BACH1: variants seen among roughly 807,000 people sequenced by gnomAD.
The protein encoded by BACH1 is transcription regulator protein BACH1.
Under a neutral mutation model 52.9 loss-of-function variants are expected in BACH1, and 35 were observed. The ratio of observed to expected loss-of-function variants is 0.66; its 90% confidence interval spans 0.51 to 0.88. The LOEUF (loss-of-function observed/expected upper bound fraction) is 0.88, where lower values mean the gene tolerates loss of function less well. BACH1 is among the 40% of genes least tolerant of loss of function. The pLI, the probability that BACH1 is intolerant of heterozygous loss-of-function variation, is 0.00. For synonymous variants in BACH1, 321 were observed against 319.6 expected, an observed-to-expected ratio of 1.00 and a Z score of -0.05; for missense variants, 808 against 872.6, an observed-to-expected ratio of 0.93 and a Z score of 0.93.
rs770545905 is a variant in BACH1 at position 29,342,678 on chromosome 21, G to C, written c.2056G>C (p.Gly686Arg). Residue 686 changes from glycine (G) to arginine (R), a missense_variant, in exon 5 of 5, where the codon GGA becomes CGA. Physicochemically the swap from Gly to Arg is moderately radical, Grantham distance 125 (BLOSUM62 -2). Transcript: ENST00000286800. ...PPAVLPPCAR[G>R]NSEPGYARGQ... The stretch of plus-strand genomic sequence containing the variant: ...AGCAGTGCTGCCTCCCTGTGCCAGA[G>C]GAAACAGTGAGCCTGGCTACGCGCG... 3 of 1,614,208 alleles carry C rather than the reference G, an allele frequency of 1.9e-6. No homozygotes were observed. The highest frequency in any genetic ancestry group is 2.5e-6 in the Non-Finnish European group (3 of 1,180,044).
intron 2 of BACH1, among the ~76,000 whole-genome samples, chr21:29,353,286 C>T (rs1413658463): frequency 6.6e-6 from 1 of 152,116 alleles, no homozygotes; most frequent in Non-Finnish European, 1.5e-5. Flanking sequence ...AGGAAATAAC[C>T]AATCTTGTAT....
At chr21:29,308,292 C>G (rs534287999) in intron 1 of BACH1, among the ~76,000 whole-genome samples, 1 of 152,202 alleles carries the variant, frequency 6.6e-6, no homozygotes, top group East Asian at 1.9e-4. Context: ...TTAGTTTTAG[C>G]TATGTATATT....
chr21:29,331,571 A>T (rs1334630512), intron 4 of BACH1, among the ~76,000 whole-genome samples: 1 of 152,188 alleles, frequency 6.6e-6, no homozygotes, highest in Non-Finnish European at 1.5e-5. Context: ...GATATCTAGG[A>T]TGAAGAAGCC....
chr21:29,358,770 A>AAAAAGAAAGAAAG (rs1555888602), intron 2 of BACH1, among the ~76,000 whole-genome samples: 9 of 108,888 alleles, frequency 8.3e-5, no homozygotes, highest in African/African-American at 3.0e-4. Flanking sequence ...AAAAGAAAAG[A>AAAAAGAAAGAAAG]AAAGAAAGAA....
chr21:29,349,783 G>A (rs1267981080), downstream of BACH1, among the ~76,000 whole-genome samples: 1 of 152,170 alleles, frequency 6.6e-6, no homozygotes, highest in South Asian at 2.1e-4. Flanking sequence ...GACAGCTGCT[G>A]TCTTGGCTGG....
At chr21:29,309,492 G>A (rs2088696467) in intron 1 of BACH1, among the ~76,000 whole-genome samples, 1 of 152,046 alleles carries the variant, frequency 6.6e-6, no homozygotes, top group African/African-American at 2.4e-5. Context: ...TTTGGACCTG[G>A]GAGCAGAGAC....
rs565373808 is a variant in BACH1, at chr21:29,342,999, A to T, written c.*166A>T. 8 of 656,412 alleles carry T rather than the reference A, an allele frequency of 1.2e-5. No homozygotes were observed. The South Asian group carries it at 2.3e-4, about 19-fold the overall frequency. The allele number at this position is 656,412 out of a possible 1,614,324, so 40.7% of individuals were successfully genotyped here. A position where few individuals can be genotyped will look rare whatever the true frequency, so the allele number is the denominator to read the frequency against. On this transcript the variant is annotated 3_prime_UTR_variant, in exon 5 of 5. Coordinates refer to ENST00000286800, the MANE Select transcript of BACH1 (RefSeq NM_001186.4). Reference sequence around the variant, plus strand: ...CAACCATGATTTCTCCTTGATTTCTACAAGAGACAAAGAAATGATTTTGCC... The same window carrying T: ...CAACCATGATTTCTCCTTGATTTCTTCAAGAGACAAAGAAATGATTTTGCC...
rs140303172 is a variant in BACH1 at position 29,324,768 on chromosome 21, T to C, written c.235-1291T>C. Reference sequence around the variant, plus strand: ...CTGGGTTATATGGTAGTTGCATGTTTAGTTTTATAAGAAAGTTTTTTTCAA... The same window carrying C: ...CTGGGTTATATGGTAGTTGCATGTTCAGTTTTATAAGAAAGTTTTTTTCAA... On this transcript the variant is annotated intron_variant, in intron 2 of 4. Coordinates refer to ENST00000286800, the MANE Select transcript of BACH1 (RefSeq NM_001186.4). Among the ~76,000 whole-genome samples, 314 of 152,300 alleles carry C rather than the reference T, an allele frequency of 2.1e-3. 1 individual carries two copies. The highest frequency in any genetic ancestry group is 1.7e-3 in the Non-Finnish European group (116 of 68,018).
At chr21:29,341,630 A>G (rs899263428) in intron 4 of BACH1, among the ~76,000 whole-genome samples, 2 of 152,224 alleles carry the variant, frequency 1.3e-5, no homozygotes, top group Non-Finnish European at 2.9e-5. Flanking sequence ...AATAACAAAA[A>G]TGGTAATTAG....
downstream of BACH1, among the ~76,000 whole-genome samples, chr21:29,347,422 A>T (rs2089175991): frequency 2.0e-5 from 3 of 152,220 alleles, no homozygotes; most frequent in South Asian, 6.2e-4. Flanking sequence ...ATCAGGGACT[A>T]CTACATCAGG....
At chr21:29,330,955 TA>T (rs940718844) in intron 4 of BACH1, among the ~76,000 whole-genome samples, 53 of 144,880 alleles carry the variant, frequency 3.7e-4, no homozygotes, top group African/African-American at 5.5e-4. Context: ...TGAGAGATGT[TA>T]AAAAAAAAAA....
chr21:29,326,247 A>C lies in BACH1; in HGVS notation c.423A>C (p.Pro141=). The C allele has an allele frequency of 6.2e-7, 1 of 1,614,152 alleles. No homozygotes were observed. The change falls in exon 3 of 5, where the codon CCA becomes CCC. Residue 141 remains proline, a synonymous_variant. Coordinates refer to ENST00000286800, the MANE Select transcript of BACH1 (RefSeq NM_001186.4). ...LDSTADQQEC[P]RKKCFSSHCQ... Reference sequence around the variant, plus strand: ...CCACTGCAGACCAGCAAGAATGCCCAAGAAAAAAATGCTTTTCATCACACT... The same window carrying C: ...CCACTGCAGACCAGCAAGAATGCCCCAGAAAAAAATGCTTTTCATCACACT...
At chr21:29,356,312 T>C (rs1335603336) in intron 2 of BACH1, among the ~76,000 whole-genome samples, 1 of 152,222 alleles carries the variant, frequency 6.6e-6, no homozygotes, top group African/African-American at 2.4e-5. Flanking sequence ...CCTTGTAAGT[T>C]TGGGGTTTTA....
chr21:29,350,299 C>T (rs1184566579), downstream of BACH1, among the ~76,000 whole-genome samples: 2 of 152,152 alleles, frequency 1.3e-5, no homozygotes, highest in Admixed American at 6.5e-5. Context: ...TATACAATGC[C>T]GCCCTGCCAA....
intron 3 of BACH1, 93 bp downstream of exon 3, chr21:29,327,486 T>A (rs112285327): frequency 6.7e-7 from 1 of 1,488,296 alleles, no homozygotes; most frequent in Admixed American, 2.1e-5. Flanking sequence ...AGGGATATAA[T>A]CAGGTTCAGG....
At chr21:29,359,144 A>G (rs1601379868) in intron 2 of BACH1, 1 of 152,102 alleles carries the variant, frequency 6.6e-6, no homozygotes, top group Non-Finnish European at 1.5e-5. Context: ...ATAGTAAATA[A>G]TTTTGAATAG....
intron 1 of BACH1, among the ~76,000 whole-genome samples, chr21:29,303,932 A>C (rs2088628086): frequency 6.6e-6 from 1 of 152,190 alleles, no homozygotes; most frequent in Non-Finnish European, 1.5e-5. Flanking sequence ...CACAGTGGGC[A>C]TGCAGTGAAA....
At chr21:29,299,491 A>G (rs935732847) in intron 1 of BACH1, 1 of 152,270 alleles carries the variant, frequency 6.6e-6, no homozygotes, top group South Asian at 2.1e-4. Context: ...AGAGAAGGCC[A>G]CCGTGCTGAG....
chr21:29,361,123 T>C (rs1027315746), intron 2 of BACH1: 1 of 152,154 alleles, frequency 6.6e-6, no homozygotes, highest in African/African-American at 2.4e-5. Context: ...TCCAAAAATG[T>C]TTGTTGAACG....
Sources: allele counts gnomAD v4.1 joint callset (sites outside exome capture counted in the v4.1 genomes callset), GRCh38; gene constraint gnomAD v4.1.1; transcripts MANE v1.5; gene names NCBI Gene and HGNC (gene_info 2026-07-23, HGNC 2026-07-21).